TMEM161B: variants seen among roughly 807,000 people sequenced by gnomAD.
TMEM161B encodes the protein transmembrane protein 161B.
A neutral mutation model predicts 61.8 loss-of-function variants in TMEM161B; 34 were observed. The ratio of observed to expected loss-of-function variants is 0.55; its 90% CI spans 0.42 to 0.73. The LOEUF (loss-of-function observed/expected upper bound fraction) is 0.73, where lower values mean the gene tolerates loss of function less well. Ranked by LOEUF, TMEM161B falls within the 30% of genes least tolerant of loss-of-function variation. The pLI, the probability that TMEM161B is intolerant of heterozygous loss-of-function variation, is 0.00. For synonymous variants in TMEM161B, 167 were observed against 192.8 expected (o/e 0.87, Z 1.11); for missense variants, 456 against 558.5 (o/e 0.82, Z 1.85).
chr5:88,268,011 C>T (rs1756635985), intron 1 of TMEM161B, among the ~76,000 whole-genome samples: 2 of 152,100 alleles, frequency 1.3e-5, no homozygotes, highest in Non-Finnish European at 2.9e-5. Context: ...CCGGATCATA[C>T]CCATATTTTC....
downstream of TMEM161B, among the ~76,000 whole-genome samples, chr5:88,192,879 A>G (rs1749097953): frequency 6.6e-6 from 1 of 152,206 alleles, no homozygotes; most frequent in Admixed American, 6.5e-5. Context: ...AAAGAATAAT[A>G]TCTATCCAGT....
chr5:88,190,255 C>T (rs1748659953), downstream of TMEM161B: 1 of 700,780 alleles, frequency 1.4e-6, no homozygotes, highest in Non-Finnish European at 2.6e-6. Flanking sequence ...CCTTGCCTTG[C>T]ATTATGCTGT....
intron 1 of TMEM161B, among the ~76,000 whole-genome samples, 193 bp downstream of exon 1, chr5:88,268,528 C>T (rs955142235): frequency 6.6e-6 from 1 of 152,216 alleles, no homozygotes; most frequent in African/African-American, 2.4e-5. Context: ...GCTAGTCTCC[C>T]AGACAGGTAG....
chr5:88,243,271 T>A (rs537777837), intron 1 of TMEM161B, among the ~76,000 whole-genome samples: 15 of 151,696 alleles, frequency 9.9e-5, no homozygotes, highest in Non-Finnish European at 2.2e-4. Flanking sequence ...CCCTAGTGTA[T>A]GTTGTTCCCT....
At position 88,195,202 on chromosome 5, in the gene TMEM161B, C is replaced by G; in HGVS notation, c.*1009G>C. 2.0e-6 allele frequency: 2 copies of G among 983,696 alleles called. No homozygotes were observed. Among genetic ancestry groups the G allele is most frequent in the Non-Finnish European group, 2.4e-6 (2 of 828,130 alleles). The allele number at this position is 983,696 out of a possible 1,614,324, so 60.9% of individuals were successfully genotyped here. On this transcript the variant is annotated 3_prime_UTR_variant, in exon 12 of 12. Coordinates refer to ENST00000296595, the MANE Select transcript of TMEM161B (RefSeq NM_153354.5). ...AGGCAACACAAATAAATTGCTTACTCTGCTGAACTTTCAAAATGTATTTTA... is the reference window on the plus strand; with the variant it reads ...AGGCAACACAAATAAATTGCTTACTGTGCTGAACTTTCAAAATGTATTTTA...
downstream of TMEM161B, among the ~76,000 whole-genome samples, chr5:88,191,854 G>A (rs759835604): frequency 2.7e-4 from 40 of 149,288 alleles, no homozygotes; most frequent in Non-Finnish European, 4.2e-4. Context: ...TTACTCAGGA[G>A]GCTGAGGCAG....
chr5:88,232,843 C>T (rs983120600), intron 2 of TMEM161B, among the ~76,000 whole-genome samples: 1 of 152,062 alleles, frequency 6.6e-6, no homozygotes, highest in Non-Finnish European at 1.5e-5. Context: ...CAAAGTGCTG[C>T]GATTACAGGC....
chr5:88,198,934 G>A lies in TMEM161B; in HGVS notation c.1089+42C>T, dbSNP rs781710576. On this transcript the variant is annotated intron_variant, in intron 10 of 11. Transcript: ENST00000296595. ...CAATTTTTTTTTTTTTTTACAGTGC[G>A]GTTTTTGCTATTTTTCATTTTGACT... 6.8e-5 allele frequency: 104 copies of A among 1,538,010 alleles called. No homozygotes were observed. The East Asian group carries it at 1.7e-3, about 25-fold the overall frequency.
chr5:88,193,675 T>C (rs1022760621), downstream of TMEM161B, among the ~76,000 whole-genome samples: 1 of 152,196 alleles, frequency 6.6e-6, no homozygotes, highest in Non-Finnish European at 1.5e-5. Context: ...TTTTACACCA[T>C]ATTACTGCAC....
At chr5:88,210,806 G>A (rs115873146) in intron 5 of TMEM161B, among the ~76,000 whole-genome samples, 6,130 of 152,270 alleles carry the variant, frequency 0.04, 153 homozygotes, top group Non-Finnish European at 0.062. Context: ...ATTCTTTAGT[G>A]AAACTAACCA....
chr5:88,189,734 T>C (rs923049715), exon 13 of TMEM161B: 1 of 214,766 alleles, frequency 4.7e-6, no homozygotes, highest in Admixed American at 5.6e-5. Context: ...GTCCCCACAA[T>C]ATGGGAGGGG....
intron 5 of TMEM161B, among the ~76,000 whole-genome samples, chr5:88,211,522 G>A (rs898625608): frequency 2.0e-5 from 3 of 152,000 alleles, no homozygotes; most frequent in African/African-American, 4.8e-5. Context: ...CACTTTGGGA[G>A]GCTGAGGTGG....
chr5:88,263,099 T>C (rs1339315627), intron 1 of TMEM161B, among the ~76,000 whole-genome samples: 1 of 152,176 alleles, frequency 6.6e-6, no homozygotes, highest in Non-Finnish European at 1.5e-5. Flanking sequence ...GCTTTTTAGA[T>C]ACACTGTACT....
chr5:88,232,329 A>C (rs1433737643), intron 2 of TMEM161B, among the ~76,000 whole-genome samples: 1 of 152,220 alleles, frequency 6.6e-6, no homozygotes, highest in Non-Finnish European at 1.5e-5. Context: ...ATTACAAATA[A>C]ATTTTAGCAA....
At chr5:88,198,683 A>C (rs1405303863) in intron 10 of TMEM161B, 1 of 243,466 alleles carries the variant, frequency 4.1e-6, no homozygotes, top group East Asian at 8.4e-5. Flanking sequence ...ATATGTTATA[A>C]TGTCTTTCAA....
chr5:88,196,508 A>G lies in TMEM161B; in HGVS notation c.1187-20T>C. 6.5e-7 allele frequency: 1 copy of G among 1,547,014 alleles called. No homozygotes were observed. The highest frequency in any genetic ancestry group is 8.7e-7 in the Non-Finnish European group (1 of 1,152,644). On this transcript the variant is annotated intron_variant, in intron 11 of 11. Coordinates refer to ENST00000296595, the MANE Select transcript of TMEM161B (RefSeq NM_153354.5). ...GATTACCTAGAAAATCAAAGACACA[A>G]ATACAATTTGAAGAGTAACTAATTA...
At chr5:88,240,148 G>A (rs960031756) in intron 2 of TMEM161B, among the ~76,000 whole-genome samples, 4 of 151,732 alleles carry the variant, frequency 2.6e-5, no homozygotes, top group Admixed American at 2.6e-4. Flanking sequence ...GAAGGAGTAG[G>A]GATTGTGAGC....
chr5:88,200,828 T>C (rs1744258066), intron 9 of TMEM161B: 1 of 152,116 alleles, frequency 6.6e-6, no homozygotes, highest in African/African-American at 2.4e-5. Context: ...CTGTTTACCA[T>C]ATTTTATTTT....
chr5:88,206,431 A>G lies in TMEM161B; in HGVS notation c.659+8T>C. ...ATTTAAATAATGCTTAATTTTTCAA[A>G]AACTTACTGAGATTCTAAACCTTGC... On this transcript the variant is annotated splice_region_variant and intron_variant, in intron 7 of 11. Coordinates refer to ENST00000296595, the MANE Select transcript of TMEM161B (RefSeq NM_153354.5). The G allele has an allele frequency of 6.3e-7, 1 of 1,592,926 alleles. No homozygotes were observed. Among genetic ancestry groups the G allele is most frequent in the Middle Eastern group, 1.9e-4 (1 of 5,270 alleles).
Sources: gnomAD v4.1 joint callset for allele counts (sites outside exome capture counted in the v4.1 genomes callset) on GRCh38, gnomAD v4.1.1 for gene constraint, MANE v1.5 for transcripts, NCBI Gene and HGNC (gene_info 2026-07-23, HGNC 2026-07-21) for gene names.